The following ECT2 variants were observed in gnomAD, a reference collection of about 807,000 sequenced individuals.
ECT2 encodes the protein protein ECT2.
A neutral mutation model predicts 116.9 loss-of-function variants in ECT2; 61 were observed. The observed-to-expected ratio is 0.52, with a 90% confidence interval of 0.42 to 0.65. The LOEUF is 0.65. Ranked by LOEUF, ECT2 falls within the 30% of genes least tolerant of loss-of-function variation. The pLI is 0.00. For missense variants in ECT2, 937 were observed against 1,078.7 expected, an observed-to-expected ratio of 0.87 and a Z score of 1.84; for synonymous variants, 358 against 346.4, an observed-to-expected ratio of 1.03 and a Z score of -0.37.
At position 172,820,512 on chromosome 3, in the gene ECT2, T is replaced by C. The variant is rs1320767100; in HGVS notation, c.*275T>C. ...GCCAATAATTTAAGTTGCTATCAGC[T>C]GATATTAGTAGCTTTGCAACCCTGA... On this transcript the variant is annotated 3_prime_UTR_variant, in exon 25 of 25. Coordinates refer to ENST00000392692, the MANE Select transcript of ECT2 (RefSeq NM_001258315.2). The C allele has an allele frequency of 8.3e-6, 2 of 241,424 alleles. No individual in the cohort carries two copies. The highest frequency in any genetic ancestry group is 5.4e-5 in the Admixed American group (1 of 18,642). 15.0% of individuals were successfully genotyped at this position (241,424 alleles called of 1,614,324 possible).
In ECT2 at chr3:172,802,694, A is replaced by G. The variant is rs754674367; in HGVS notation, c.1986A>G (p.Pro662=). Residue 662 remains proline (P), a splice_region_variant and synonymous_variant, in exon 19 of 25, where the codon CCA becomes CCG. Coordinates refer to ENST00000392692, the MANE Select transcript of ECT2 (RefSeq NM_001258315.2). ...FDVVYEVDGC[P]ANLLSSHRSL... The stretch of plus-strand genomic sequence containing the variant: ...TTGTTTATGAAGTAGATGGATGCCC[A>G]GTAAGTATTCTTCTTTAACAATTAT... 1 of 1,590,388 alleles carries G rather than the reference A, an allele frequency of 6.3e-7. No individual in the cohort carries two copies. Among genetic ancestry groups the G allele is most frequent in the African/African-American group, 1.4e-5 (1 of 73,822 alleles).
At chr3:172,825,903 T>C (rs1730828172), downstream of ECT2, among the ~76,000 whole-genome samples, 1 of 152,218 alleles carries the variant, frequency 6.6e-6, no homozygotes, top group Non-Finnish European at 1.5e-5. Context: ...AAGACTTTCT[T>C]TTTTTCTTTG....
At chr3:172,775,008 C>T (rs1476007865) in intron 14 of ECT2, among the ~76,000 whole-genome samples, 1 of 152,166 alleles carries the variant, frequency 6.6e-6, no homozygotes, top group African/African-American at 2.4e-5. Context: ...ATTTAAGTCC[C>T]TTCTCCATTT....
the ECT2 span, among the ~76,000 whole-genome samples, chr3:172,828,352 G>GT: frequency 1.4e-5 from 2 of 140,122 alleles, no homozygotes; most frequent in Non-Finnish European, 1.5e-5. Flanking sequence ...GTGTGTGTGT[G>GT]GCTGTGTCTG....
At chr3:172,829,023 GGCC>G in the ECT2 span, 4 of 854,568 alleles carry the variant, frequency 4.7e-6, no homozygotes, top group Non-Finnish European at 7.9e-6. Flanking sequence ...ACTCCTGTCT[GGCC>G]ACCTGGAGTG....
intron 13 of ECT2, among the ~76,000 whole-genome samples, chr3:172,772,577 TTTAAATTC>T (rs1203477609): frequency 1.3e-5 from 2 of 152,238 alleles, no homozygotes; most frequent in African/African-American, 4.8e-5. Context: ...TAGCGTATTT[TTTAAATTC>T]TCTCGTGTCT....
chr3:172,757,198 T>A, intron 5 of ECT2, 33 bp downstream of exon 5: 2 of 1,371,330 alleles, frequency 1.5e-6, no homozygotes, highest in Non-Finnish European at 1.9e-6. Flanking sequence ...ACTTTTCAAG[T>A]TAAAATTTTT....
chr3:172,756,445 C>T (rs1164581566), intron 4 of ECT2, among the ~76,000 whole-genome samples: 1 of 152,096 alleles, frequency 6.6e-6, no homozygotes, highest in Non-Finnish European at 1.5e-5. Context: ...CTACATATTG[C>T]ACATCTTTCT....
chr3:172,754,553 C>T lies in ECT2; in HGVS notation c.23C>T (p.Thr8Ile). The change falls in exon 2 of 25, where the codon ACA (threonine) becomes ATA (isoleucine). Residue 8 changes from threonine (T) to isoleucine (I), a missense_variant. By Grantham distance (89) the Thr-to-Ile change is moderately conservative (BLOSUM62 -1). Coordinates refer to ENST00000392692, the MANE Select transcript of ECT2 (RefSeq NM_001258315.2). ...ATCATGGCTGAAAATAGTGTATTAA[C>T]ATCCACTACTGGGAGGACTAGCTTG... is the stretch of plus-strand genomic sequence containing the variant. MAENSVL[T>I]STTGRTSLAD... The T allele has an allele frequency of 6.2e-7, 1 of 1,604,974 alleles. No individual in the cohort carries two copies. The highest frequency in any genetic ancestry group is 8.5e-7 in the Non-Finnish European group (1 of 1,176,676).
rs946877172 is a variant in ECT2 at position 172,820,326 on chromosome 3, T to C, written c.*89T>C. The C allele has an allele frequency of 2.3e-6, 2 of 853,310 alleles. No individual in the cohort carries two copies. The highest frequency in any genetic ancestry group is 1.7e-5 in the African/African-American group (1 of 57,570). The allele number at this position is 853,310 out of a possible 1,614,324, so 52.9% of individuals were successfully genotyped here. On this transcript the variant is annotated 3_prime_UTR_variant, in exon 25 of 25. Coordinates refer to ENST00000392692, the MANE Select transcript of ECT2 (RefSeq NM_001258315.2). The stretch of plus-strand genomic sequence containing the variant: ...CTTAAATGGTACTTGTAATTAGCAC[T>C]TGGTGAAAGCTGGAAGGAAGATAAA...
At chr3:172,823,371 A>G (rs1291700675), downstream of ECT2, among the ~76,000 whole-genome samples, 2 of 152,304 alleles carry the variant, frequency 1.3e-5, no homozygotes, top group South Asian at 4.1e-4. Flanking sequence ...TTAAACATGT[A>G]AGACTATCAA....
the ECT2 span, among the ~76,000 whole-genome samples, chr3:172,827,104 A>G: frequency 7.9e-4 from 121 of 152,316 alleles, no homozygotes; most frequent in Non-Finnish European, 1.3e-3. Flanking sequence ...CACCCCAGTA[A>G]AGATAGCTTT....
At chr3:172,752,786 A>G (rs1455413937) in intron 1 of ECT2, among the ~76,000 whole-genome samples, 1 of 152,170 alleles carries the variant, frequency 6.6e-6, no homozygotes, top group Non-Finnish European at 1.5e-5. Context: ...CATCTTAACT[A>G]GATTTGAGTT....
At position 172,773,843 on chromosome 3, in the gene ECT2, A is replaced by C. The variant is rs371545957; in HGVS notation, c.1429-60A>C. On this transcript the variant is annotated intron_variant, in intron 13 of 24. Coordinates refer to ENST00000392692, the MANE Select transcript of ECT2 (RefSeq NM_001258315.2). The stretch of plus-strand genomic sequence containing the variant: ...TCTTGTGTCTCCTTTATCACTGTCT[A>C]TCTTTTAGCTCTTTTCTTTTTCCCA... The C allele has an allele frequency of 6.8e-5, 104 of 1,525,810 alleles. No homozygotes were observed. The East Asian group carries it at 2.2e-3, about 32-fold the overall frequency. 94.5% of individuals were successfully genotyped at this position (1,525,810 alleles called of 1,614,324 possible).
Position 172,764,395 on chromosome 3 carries a change from G to C in ECT2, c.1186G>C (p.Val396Leu). ...TLAQLSRETD[V>L]SPFPPRKRPS... is the part of the protein sequence containing the mutation. ...TGCTCAGCTTTCAAGAGAGACAGAC[G>C]TGTCACCATTTCCACCCCGTAAGCG... The change falls in exon 12 of 25, where the codon GTG (valine) becomes CTG (leucine). Residue 396 changes from valine (V) to leucine (L), a missense_variant. By Grantham distance (32) the Val-to-Leu change is conservative (BLOSUM62 1). Coordinates refer to ENST00000392692, the MANE Select transcript of ECT2 (RefSeq NM_001258315.2). 6.2e-7 allele frequency: 1 copy of C among 1,614,098 alleles called. No homozygotes were observed. The highest frequency in any genetic ancestry group is 1.6e-4 in the Middle Eastern group (1 of 6,062).
At chr3:172,815,454 T>G in intron 22 of ECT2, 150 bp from the exon 23 acceptor site, 1 of 546,950 alleles carries the variant, frequency 1.8e-6, no homozygotes, top group South Asian at 2.8e-5. Flanking sequence ...CTTAAGTCAG[T>G]ACATTTCAGG....
intron 22 of ECT2, among the ~76,000 whole-genome samples, chr3:172,812,406 G>A (rs1323137247): frequency 1.3e-5 from 2 of 151,928 alleles, no homozygotes; most frequent in Non-Finnish European, 2.9e-5. Context: ...TGGTATATGT[G>A]TGTTATTTTG....
At chr3:172,764,705 C>T (rs570907442) in intron 12 of ECT2, among the ~76,000 whole-genome samples, 3 of 152,256 alleles carry the variant, frequency 2.0e-5, no homozygotes, top group African/African-American at 4.8e-5. Context: ...ATGCTTTATA[C>T]GTTTTGTGTG....
At chr3:172,775,797 C>T (rs1208625662) in intron 14 of ECT2, among the ~76,000 whole-genome samples, 3 of 151,994 alleles carry the variant, frequency 2.0e-5, no homozygotes, top group Non-Finnish European at 4.4e-5. Flanking sequence ...CCACGCCTGG[C>T]TAATTTTTGT....
Sources: gnomAD v4.1 joint callset for allele counts (sites outside exome capture counted in the v4.1 genomes callset) on GRCh38, gnomAD v4.1.1 for gene constraint, MANE v1.5 for transcripts, NCBI Gene and HGNC (gene_info 2026-07-23, HGNC 2026-07-21) for gene names.